Variants in CPNE4 observed in about 807,000 individuals in gnomAD.
CPNE4 encodes copine-4.
Under a neutral mutation model 67.9 loss-of-function variants are expected in CPNE4, and 25 were observed. The observed-to-expected ratio is 0.37, with a 90% confidence interval of 0.27 to 0.51. The LOEUF (loss-of-function observed/expected upper bound fraction) is 0.51. Ranked by LOEUF, CPNE4 falls within the 20% of genes least tolerant of loss-of-function variation. CPNE4 has a pLI of 0.93. For synonymous variants in CPNE4, 242 were observed against 244.9 expected, an observed-to-expected ratio of 0.99 and a Z score of 0.11; for missense variants, 464 against 690.8, an observed-to-expected ratio of 0.67 and a Z score of 3.68.
intron 1 of CPNE4, among the ~76,000 whole-genome samples, chr3:131,981,906 G>A (rs969420183): frequency 1.3e-5 from 2 of 152,178 alleles, no homozygotes; most frequent in South Asian, 4.1e-4. Flanking sequence ...TTTCCCACTT[G>A]GATCACTCAC....
rs35660274 is a variant in CPNE4, at chr3:132,026,777, G to GA, written c.-2+7789dup. ...ATGGAGAGCAAGGTTGGGAAAGTAG[G>GA]AAAAAAACATTGAGTGCATACATAC... On this transcript the variant is annotated intron_variant, in intron 1 of 15. Transcript: ENST00000429747. Among the ~76,000 whole-genome samples, 129 of 152,196 alleles carry GA rather than the reference G, an allele frequency of 8.5e-4. 1 individual carries two copies. The East Asian group carries it at 0.022, about 26-fold the overall frequency.
At chr3:131,581,542 A>C (rs780503646) in intron 9 of CPNE4, 37 bp downstream of exon 9, 7 of 1,371,244 alleles carry the variant, frequency 5.1e-6, no homozygotes, top group Non-Finnish European at 7.3e-6. Flanking sequence ...AGATAGCCCT[A>C]GCTTCATACT....
chr3:131,988,449 G>T (rs1296591351), intron 1 of CPNE4, among the ~76,000 whole-genome samples: 1 of 152,168 alleles, frequency 6.6e-6, no homozygotes, highest in Non-Finnish European at 1.5e-5. Context: ...TTGGAGAGCG[G>T]CCAGAAAGAG....
chr3:131,686,950 A>G (rs925490241), intron 5 of CPNE4, among the ~76,000 whole-genome samples: 1 of 152,128 alleles, frequency 6.6e-6, no homozygotes, highest in Non-Finnish European at 1.5e-5. Context: ...AGCTCTGCTC[A>G]GTTTCTGTTT....
At chr3:131,563,779 A>T (rs1936912797) in intron 11 of CPNE4, among the ~76,000 whole-genome samples, 1 of 152,064 alleles carries the variant, frequency 6.6e-6, no homozygotes, top group Admixed American at 6.6e-5. Context: ...AGGAATACAT[A>T]CTATATAAGG....
intron 2 of CPNE4, among the ~76,000 whole-genome samples, chr3:131,777,884 T>C (rs1167531050): frequency 2.0e-5 from 3 of 152,030 alleles, no homozygotes; most frequent in Non-Finnish European, 2.9e-5. Context: ...CTCCCCTTTA[T>C]TGCAGCTGTT....
intron 11 of CPNE4, among the ~76,000 whole-genome samples, chr3:131,559,819 A>C (rs911302978): frequency 2.1e-4 from 32 of 152,016 alleles, no homozygotes; most frequent in Non-Finnish European, 1.9e-4. Flanking sequence ...TGGATATCAA[A>C]TAGTTACGGC....
intron 11 of CPNE4, among the ~76,000 whole-genome samples, chr3:131,560,227 C>T (rs74352798): frequency 1.3e-5 from 2 of 152,154 alleles, no homozygotes; most frequent in Non-Finnish European, 2.9e-5. Context: ...GGAAGCGATA[C>T]ATCTTCAATT....
intron 3 of CPNE4, among the ~76,000 whole-genome samples, chr3:131,703,901 T>C (rs2107709776): frequency 6.6e-6 from 1 of 152,344 alleles, no homozygotes; most frequent in Admixed American, 6.5e-5. Context: ...ATTATAGAAC[T>C]TTTATTCCTT....
At chr3:131,843,877 G>A (rs1047328531) in intron 2 of CPNE4, among the ~76,000 whole-genome samples, 20 of 152,074 alleles carry the variant, frequency 1.3e-4, no homozygotes, top group Non-Finnish European at 1.8e-4. Context: ...GGAGATTGAG[G>A]GGATGTATTG....
chr3:131,920,314 C>G (rs1215253639), intron 1 of CPNE4, among the ~76,000 whole-genome samples: 1 of 152,164 alleles, frequency 6.6e-6, no homozygotes, highest in Non-Finnish European at 1.5e-5. Flanking sequence ...CTCTTCCTGG[C>G]CCAATTTTAA....
At chr3:131,545,135 T>C (rs1935753921) in intron 14 of CPNE4, among the ~76,000 whole-genome samples, 1 of 152,216 alleles carries the variant, frequency 6.6e-6, no homozygotes, top group Admixed American at 6.5e-5. Flanking sequence ...AGACAATATT[T>C]AAAATGAATA....
At chr3:131,689,769 A>T (rs1212133305) in intron 5 of CPNE4, among the ~76,000 whole-genome samples, 3 of 152,196 alleles carry the variant, frequency 2.0e-5, no homozygotes, top group Non-Finnish European at 2.9e-5. Flanking sequence ...AAAGAAGTCA[A>T]ATTGTCTCTC....
intron 9 of CPNE4, among the ~76,000 whole-genome samples, chr3:131,577,294 C>T (rs1559927141): frequency 6.6e-6 from 1 of 152,088 alleles, no homozygotes; most frequent in Non-Finnish European, 1.5e-5. Context: ...CATAAACACA[C>T]ACATACACAC....
chr3:131,727,995 A>G (rs917931943), intron 2 of CPNE4, among the ~76,000 whole-genome samples: 8 of 152,358 alleles, frequency 5.3e-5, no homozygotes, highest in African/African-American at 1.9e-4. Context: ...TGGCTATTAC[A>G]TATAAAACTG....
intron 2 of CPNE4, among the ~76,000 whole-genome samples, chr3:131,829,200 C>G (rs527305266): frequency 1.3e-5 from 2 of 152,302 alleles, no homozygotes; most frequent in East Asian, 3.9e-4. Context: ...CATCGAGTTC[C>G]TCCCATGACA....
chr3:131,736,213 G>A, intron 2 of CPNE4, among the ~76,000 whole-genome samples: 1 of 152,156 alleles, frequency 6.6e-6, no homozygotes, highest in Non-Finnish European at 1.5e-5. Context: ...CCAATGACTG[G>A]CATCCACTCC....
chr3:131,867,524 G>GT (rs75353701), intron 2 of CPNE4, among the ~76,000 whole-genome samples: 30,341 of 124,244 alleles, frequency 0.24, 3,787 homozygotes, highest in Admixed American at 0.32. Flanking sequence ...AGGCATGCGG[G>GT]TGGGGGGTCT....
intron 9 of CPNE4, among the ~76,000 whole-genome samples, chr3:131,575,839 T>C (rs1350482232): frequency 6.6e-6 from 1 of 152,128 alleles, no homozygotes; most frequent in Non-Finnish European, 1.5e-5. Flanking sequence ...TTTTGACCTC[T>C]ACTCTGGAAG....
Sources: allele counts gnomAD v4.1 joint callset (sites outside exome capture counted in the v4.1 genomes callset), GRCh38; gene constraint gnomAD v4.1.1; transcripts MANE v1.5; gene names NCBI Gene and HGNC (gene_info 2026-07-23, HGNC 2026-07-21).